TYK2: variants seen among roughly 807,000 people sequenced by gnomAD.
TYK2 encodes non-receptor tyrosine-protein kinase TYK2.
In TYK2, 65 loss-of-function variants were observed where a neutral mutation model predicts 130.9. That is an observed-to-expected ratio of 0.50 (90% CI 0.41 to 0.61). TYK2 has a LOEUF of 0.61. Ranked by LOEUF, TYK2 falls within the 20% of genes least tolerant of loss-of-function variation. TYK2 has a pLI of 0.00. For synonymous variants in TYK2, 647 were observed against 658.9 expected (o/e 0.98, Z 0.28); for missense variants, 1,378 against 1,610.7 (o/e 0.86, Z 2.47).
intron 5 of TYK2, among the ~76,000 whole-genome samples, chr19:10,366,808 G>A (rs1357354942): frequency 1.3e-5 from 2 of 151,818 alleles, no homozygotes. Flanking sequence ...ACTTTGGGAG[G>A]CCAAGGCGGG....
chr19:10,358,259 TTC>T, intron 15 of TYK2, 121 bp from the exon 16 acceptor site: 3 of 1,046,984 alleles, frequency 2.9e-6, no homozygotes, highest in Non-Finnish European at 4.0e-6. Context: ...CTGGGTTTCT[TTC>T]TGTTTTGTTT....
At chr19:10,367,938 C>T in intron 5 of TYK2, 117 bp downstream of exon 5, 4 of 1,222,412 alleles carry the variant, frequency 3.3e-6, no homozygotes, top group Admixed American at 4.4e-5. Flanking sequence ...AAAAAAGATC[C>T]CCAGATAGCA....
intron 9 of TYK2, among the ~76,000 whole-genome samples, chr19:10,363,874 G>A (rs1308807558): frequency 6.6e-6 from 1 of 152,156 alleles, no homozygotes; most frequent in African/African-American, 2.4e-5. Context: ...AAGGTGAAAT[G>A]GCCACTTCCC....
Position 10,352,555 on chromosome 19 carries a change from G to A in TYK2, c.3201-4C>T. On this transcript the variant is annotated splice_region_variant and splice_polypyrimidine_tract_variant and intron_variant, in intron 22 of 24. Transcript: ENST00000525621. The stretch of plus-strand genomic sequence containing the variant: ...CTTCAGGCACTCTGGGGCATACCTA[G>A]GGGGAGGGGGGCACTCAGGCCACGG... 6.8e-7 allele frequency: 1 copy of A among 1,476,468 alleles called. No homozygotes were observed. The highest frequency in any genetic ancestry group is 9.2e-7 in the Non-Finnish European group (1 of 1,083,942). The allele number at this position is 1,476,468 out of a possible 1,614,324, so 91.5% of individuals were successfully genotyped here.
rs2040983944 is a variant in TYK2 at position 10,354,542 on chromosome 19, G to C, written c.2685C>G (p.Arg895=). The part of the protein sequence containing the change: ...PASDPTVFHK[R]YLKKIRDLGE... ...CCAGATCTCGGATCTTTTTCAAATA[G>C]CGCTTGTGGAAAACCGTAGGGTCCG... The change falls in exon 19 of 25, where the codon CGC becomes CGG. Residue 895 remains arginine (R), a synonymous_variant. Transcript: ENST00000525621. 6.8e-6 allele frequency: 11 copies of C among 1,614,020 alleles called. No individual in the cohort carries two copies. Among genetic ancestry groups the C allele is most frequent in the Non-Finnish European group, 8.5e-6 (10 of 1,180,018 alleles).
At chr19:10,367,221 A>T (rs1431428024) in intron 5 of TYK2, among the ~76,000 whole-genome samples, 3 of 152,212 alleles carry the variant, frequency 2.0e-5, no homozygotes, top group Non-Finnish European at 4.4e-5. Flanking sequence ...TGAGGAGGGG[A>T]GAGACCACCA....
Position 10,362,661 on chromosome 19 carries a change from GA to G in TYK2, c.1368-5del, listed in dbSNP as rs778130090. On this transcript the variant is annotated splice_region_variant and splice_polypyrimidine_tract_variant and intron_variant, in intron 9 of 24. Coordinates refer to ENST00000525621, the MANE Select transcript of TYK2 (RefSeq NM_003331.5). ...CTTGGCCTGCACAAATGGCTCCCTG[GA>G]AGGTGGTCCAGGGGGACTATCAGGC... 4 of 1,551,222 alleles carry G rather than the reference GA, an allele frequency of 2.6e-6. No individual in the cohort carries two copies. In the South Asian group the frequency reaches 3.6e-5, roughly 14 times the overall value.
chr19:10,372,748 C>G (rs1226027243), intron 3 of TYK2, among the ~76,000 whole-genome samples: 1 of 151,690 alleles, frequency 6.6e-6, no homozygotes, highest in East Asian at 1.9e-4. Flanking sequence ...CGCTTAGCCT[C>G]CAAAACTGCT....
chr19:10,368,368 G>C lies in TYK2; in HGVS notation c.244C>G (p.Gln82Glu). 1.2e-6 allele frequency: 2 copies of C among 1,614,138 alleles called. No individual in the cohort carries two copies. The highest frequency in any genetic ancestry group is 1.7e-6 in the Non-Finnish European group (2 of 1,180,012). Reference protein sequence around the residue: ...NLFALFDAQAQVWLPPNHILE... With the variant: ...NLFALFDAQAEVWLPPNHILE... ...ATGTGGTTTGGGGGCAACCAGACTT[G>C]GGCCTGAGCATCGAAGAGGGCAAAG... Residue 82 changes from glutamine to glutamate, a missense_variant, in exon 4 of 25, where the codon CAA becomes GAA. Transcript: ENST00000525621.
At chr19:10,378,167 C>T (rs1316273201) in intron 3 of TYK2, 47 bp downstream of exon 3, 2 of 1,598,078 alleles carry the variant, frequency 1.3e-6, no homozygotes, top group East Asian at 4.5e-5. Flanking sequence ...CCAGCTGCTG[C>T]TTGCACACCC....
At chr19:10,351,012 G>A in intron 24 of TYK2, 40 bp downstream of exon 24, 1 of 1,614,152 alleles carries the variant, frequency 6.2e-7, no homozygotes, top group South Asian at 1.1e-5. Flanking sequence ...CCTCTCCACA[G>A]CAGGATAGTG....
intron 18 of TYK2, 34 bp from the exon 19 acceptor site, chr19:10,354,643 C>T: frequency 6.4e-7 from 1 of 1,564,114 alleles, no homozygotes; most frequent in Non-Finnish European, 8.8e-7. Flanking sequence ...GGCCTGACCC[C>T]GATCCTTTCC....
In TYK2 at chr19:10,371,063, T is replaced by G. The variant is rs183746987; in HGVS notation, c.194-2645A>C. ...TCACTGCACCCTCGACTTACTGGGC[T>G]AAAGCAATCCTCCTGCCTCAGCCTC... is the stretch of plus-strand genomic sequence containing the variant. On this transcript the variant is annotated intron_variant, in intron 3 of 24. Transcript: ENST00000525621. Among the ~76,000 whole-genome samples, 1,303 of 152,128 alleles carry G rather than the reference T, an allele frequency of 8.6e-3. 7 individuals carry two copies. Among genetic ancestry groups the G allele is most frequent in the Non-Finnish European group, 0.013 (914 of 68,004 alleles).
Position 10,356,701 on chromosome 19 carries a change from C to T in TYK2, c.2484G>A (p.Gln828=). Residue 828 remains glutamine (Q), a synonymous_variant, in exon 18 of 25, where the codon CAG becomes CAA. Transcript: ENST00000525621. Reference sequence around the variant, plus strand: ...AGGGCTCGGGCAGCCGGTGCTGCCTCTGGTAGAAATGCTCCTTCTGTTGGG... The same window carrying T: ...AGGGCTCGGGCAGCCGGTGCTGCCTTTGGTAGAAATGCTCCTTCTGTTGGG... ...RSPSEKEHFY[Q]RQHRLPEPSC... is the part of the protein sequence containing the mutation. 2 of 1,609,688 alleles carry T rather than the reference C, an allele frequency of 1.2e-6. No individual in the cohort carries two copies. The highest frequency in any genetic ancestry group is 1.7e-6 in the Non-Finnish European group (2 of 1,178,298).
chr19:10,352,586 T>A, intron 22 of TYK2, 35 bp from the exon 23 acceptor site: 3 of 901,462 alleles, frequency 3.3e-6, no homozygotes, highest in Non-Finnish European at 5.2e-6. Flanking sequence ...CACGGGGGGC[T>A]GCACTGAGGG....
In TYK2 at chr19:10,353,975, C is replaced by T. The variant is rs56356442; in HGVS notation, c.2908+67G>A. 143 of 1,537,050 alleles carry T rather than the reference C, an allele frequency of 9.3e-5. No homozygotes were observed. In the East Asian group the frequency reaches 2.9e-3, roughly 31 times the overall value. Reference sequence around the variant, plus strand: ...TTGGCTAGGCCAGACTGGCCCCGCCCACAAGGCCACACCCACGCTCTAACC... The same window carrying T: ...TTGGCTAGGCCAGACTGGCCCCGCCTACAAGGCCACACCCACGCTCTAACC... On this transcript the variant is annotated intron_variant, in intron 20 of 24. Transcript: ENST00000525621. The surrounding 1 kb of genome is among the most constrained non-coding windows in gnomAD (Gnocchi z 6.9).
In TYK2 at chr19:10,353,600, G is replaced by A. The variant is rs754602912; in HGVS notation, c.2955C>T (p.Ser985=). 6.7e-7 allele frequency: 1 copy of A among 1,483,354 alleles called. No individual in the cohort carries two copies. Among genetic ancestry groups the A allele is most frequent in the South Asian group, 1.4e-5 (1 of 69,960 alleles). The allele number at this position is 1,483,354 out of a possible 1,614,324, so 91.9% of individuals were successfully genotyped here. ...TGTGCCGGGGCAGGTAGTCTCGGAGGCTGCCCAGGGGCACGTACTCCATGA... is the reference window on the plus strand; with the variant it reads ...TGTGCCGGGGCAGGTAGTCTCGGAGACTGCCCAGGGGCACGTACTCCATGA... ...QLVMEYVPLG[S]LRDYLPRHSI... The change falls in exon 21 of 25, where the codon AGC becomes AGT. Residue 985 remains serine (S), a synonymous_variant. Transcript: ENST00000525621. The surrounding 1 kb of genome is among the most constrained non-coding windows in gnomAD (Gnocchi z 6.9).
intron 3 of TYK2, among the ~76,000 whole-genome samples, chr19:10,372,408 C>T (rs2041943325): frequency 7.0e-6 from 1 of 142,558 alleles, no homozygotes; most frequent in African/African-American, 2.6e-5. Context: ...GTCCTCCTGC[C>T]TCAGTCTCCT....
intron 2 of TYK2, among the ~76,000 whole-genome samples, chr19:10,378,823 G>C (rs1031468687): frequency 7.0e-6 from 1 of 143,606 alleles, no homozygotes; most frequent in Non-Finnish European, 1.5e-5. Context: ...TCTACAAGAC[G>C]TTTTATTTTA....
Sources: allele counts gnomAD v4.1 joint callset (sites outside exome capture counted in the v4.1 genomes callset), GRCh38; gene constraint gnomAD v4.1.1; non-coding constraint Gnocchi (gnomAD v3.1); transcripts MANE v1.5; gene names NCBI Gene and HGNC (gene_info 2026-07-23, HGNC 2026-07-21).